The following ANTXR1 variants were observed in gnomAD, a reference collection of about 807,000 sequenced individuals.
ANTXR1 encodes ANTXR cell adhesion molecule 1.
Under a neutral mutation model 78.1 loss-of-function variants are expected in ANTXR1, and 19 were observed. The observed-to-expected ratio is 0.24, with a 90% CI of 0.17 to 0.36. ANTXR1 has a LOEUF of 0.36. Among genes scored for constraint, ANTXR1 ranks in the 10% least tolerant of loss-of-function variants. ANTXR1 has a pLI of 1.00. For missense variants in ANTXR1, 518 were observed against 718.6 expected (o/e 0.72, Z 3.19); for synonymous variants, 273 against 260.5 (o/e 1.05, Z -0.46).
intron 3 of ANTXR1, among the ~76,000 whole-genome samples, chr2:69,067,445 C>CT (rs372043237): frequency 0.026 from 3,235 of 123,258 alleles, 57 homozygotes; most frequent in African/African-American, 0.042. Context: ...CCCAAGAAGC[C>CT]TTTTTTTTTT....
chr2:69,047,095 A>G (rs989923810), intron 3 of ANTXR1, among the ~76,000 whole-genome samples: 1 of 152,162 alleles, frequency 6.6e-6, no homozygotes, highest in African/African-American at 2.4e-5. Flanking sequence ...AAATCCACAT[A>G]TATGGAGGGC....
intron 3 of ANTXR1, 32 bp downstream of exon 3, chr2:69,044,845 A>T: frequency 6.2e-7 from 1 of 1,605,610 alleles, no homozygotes; most frequent in Non-Finnish European, 8.5e-7. Flanking sequence ...GTTGTTAAAA[A>T]GTCCATCACT....
chr2:69,053,158 TGAGTA>T (rs1277117512), intron 3 of ANTXR1, among the ~76,000 whole-genome samples: 5 of 152,326 alleles, frequency 3.3e-5, no homozygotes, highest in Admixed American at 2.0e-4. Flanking sequence ...AGACTTTTTC[TGAGTA>T]TAGTGACTTA....
At chr2:69,172,200 G>A (rs1390344674) in intron 14 of ANTXR1, among the ~76,000 whole-genome samples, 7 of 151,960 alleles carry the variant, frequency 4.6e-5, no homozygotes, top group Admixed American at 2.0e-4. Context: ...TAAATATGAC[G>A]TCAGAAATAA....
At chr2:69,162,250 C>A (rs1558612044) in intron 13 of ANTXR1, among the ~76,000 whole-genome samples, 1 of 152,120 alleles carries the variant, frequency 6.6e-6, no homozygotes. Flanking sequence ...ATCTCAGTAA[C>A]CTAGATGTTT....
intron 17 of ANTXR1, among the ~76,000 whole-genome samples, chr2:69,240,807 C>G (rs1380422330): frequency 4.1e-5 from 6 of 147,800 alleles, no homozygotes; most frequent in African/African-American, 1.6e-4. Context: ...AGGTGTGAGA[C>G]TTTAGTTTTT....
At chr2:69,202,124 G>A (rs1674787327) in intron 17 of ANTXR1, among the ~76,000 whole-genome samples, 1 of 152,194 alleles carries the variant, frequency 6.6e-6, no homozygotes, top group Non-Finnish European at 1.5e-5. Context: ...AAACCAGGGA[G>A]AGGGGTAGAG....
intron 17 of ANTXR1, among the ~76,000 whole-genome samples, chr2:69,209,267 CAAT>C (rs1316408889): frequency 6.6e-6 from 1 of 152,138 alleles, no homozygotes; most frequent in Admixed American, 6.5e-5. Flanking sequence ...TTGACTAGAG[CAAT>C]AATGATGGTT....
intron 15 of ANTXR1, among the ~76,000 whole-genome samples, chr2:69,182,199 T>C (rs1056680225): frequency 6.6e-6 from 1 of 152,140 alleles, no homozygotes; most frequent in Non-Finnish European, 1.5e-5. Context: ...ATTTCTTTTC[T>C]CACTGGAATA....
intron 12 of ANTXR1, among the ~76,000 whole-genome samples, chr2:69,150,953 GT>G (rs1673374536): frequency 6.6e-6 from 1 of 152,162 alleles, no homozygotes; most frequent in African/African-American, 2.4e-5. Flanking sequence ...GAGCCCAGGA[GT>G]TCAAGGCTGC....
intron 17 of ANTXR1, among the ~76,000 whole-genome samples, chr2:69,209,808 C>A (rs148287338): frequency 4.6e-5 from 7 of 152,312 alleles, no homozygotes; most frequent in Non-Finnish European, 8.8e-5. Context: ...GATGGCCATG[C>A]AGGCAGGCTT....
rs58660678 is a variant in ANTXR1 at position 69,187,585 on chromosome 2, C to CTTTTTT, written c.1353+4941_1353+4946dup. On this transcript the variant is annotated intron_variant, in intron 16 of 17. Coordinates refer to ENST00000303714, the MANE Select transcript of ANTXR1 (RefSeq NM_032208.3). ...GGGTCACACTATTTATCATGTATTT[C>CTTTTTT]TTTTTTTTTTTTTTTTTTTTTGAGA... Among the ~76,000 whole-genome samples the CTTTTTT allele has an allele frequency of 5.8e-4, 55 of 94,884 alleles. 4 individuals are homozygous for CTTTTTT. The highest frequency in any genetic ancestry group is 2.3e-3 in the African/African-American group (50 of 21,930). 62.2% of individuals were successfully genotyped at this position (94,884 alleles called of 152,430 possible).
intron 3 of ANTXR1, among the ~76,000 whole-genome samples, chr2:69,059,732 G>A (rs1365971695): frequency 1.3e-5 from 2 of 151,944 alleles, no homozygotes; most frequent in East Asian, 1.9e-4. Context: ...ATATGCACTG[G>A]GAGGCCAAAA....
intron 7 of ANTXR1, among the ~76,000 whole-genome samples, chr2:69,076,977 C>A (rs749201747): frequency 2.6e-5 from 4 of 152,186 alleles, no homozygotes; most frequent in South Asian, 2.1e-4. Flanking sequence ...GGTGGCCTCA[C>A]CCAACACCAA....
intron 14 of ANTXR1, among the ~76,000 whole-genome samples, chr2:69,175,923 C>G (rs748253549): frequency 2.0e-5 from 3 of 151,994 alleles, no homozygotes; most frequent in Admixed American, 6.6e-5. Flanking sequence ...TTATACAGGG[C>G]CAGATAAGTT....
At chr2:69,055,301 G>T (rs952755962) in intron 3 of ANTXR1, among the ~76,000 whole-genome samples, 1 of 152,196 alleles carries the variant, frequency 6.6e-6, no homozygotes, top group African/African-American at 2.4e-5. Flanking sequence ...GATGCAGGTA[G>T]AAAATATTGC....
chr2:69,113,918 C>CT (rs1672064981), intron 10 of ANTXR1, among the ~76,000 whole-genome samples: 1 of 152,196 alleles, frequency 6.6e-6, no homozygotes, highest in Admixed American at 6.5e-5. Context: ...TGATGCTTTA[C>CT]TTAGAAGATA....
intron 13 of ANTXR1, among the ~76,000 whole-genome samples, chr2:69,154,431 T>C (rs1373600555): frequency 6.6e-6 from 1 of 152,150 alleles, no homozygotes; most frequent in Non-Finnish European, 1.5e-5. Context: ...TGAGGGGTGA[T>C]GCTCCAGAGC....
intron 8 of ANTXR1, among the ~76,000 whole-genome samples, chr2:69,079,486 G>T (rs1670835792): frequency 6.6e-6 from 1 of 151,934 alleles, no homozygotes; most frequent in Non-Finnish European, 1.5e-5. Context: ...CCTAGAGGCT[G>T]GAAGACAGAA....
Sources: gnomAD v4.1 joint callset for allele counts (sites outside exome capture counted in the v4.1 genomes callset) on GRCh38, gnomAD v4.1.1 for gene constraint, MANE v1.5 for transcripts, NCBI Gene and HGNC (gene_info 2026-07-23, HGNC 2026-07-21) for gene names.